PCDH15: variants seen among roughly 807,000 people sequenced by gnomAD.
PCDH15 encodes protocadherin related 15.
PCDH15 carries 129 observed loss-of-function variants against 178.5 expected under a neutral mutation model. That is an observed-to-expected ratio of 0.72 (90% CI 0.63 to 0.84). PCDH15 has a LOEUF of 0.84. Ranked by LOEUF, PCDH15 falls within the 40% of genes least tolerant of loss-of-function variation. PCDH15 has a pLI of 0.00. For missense variants in PCDH15, 2,230 were observed against 2,099.9 expected (o/e 1.06, Z -1.21); for synonymous variants, 800 against 732.0 (o/e 1.09, Z -1.50).
intron 2 of PCDH15, chr10:54,606,732 T>C (rs568344866): frequency 6.6e-6 from 1 of 152,160 alleles, no homozygotes; most frequent in South Asian, 2.1e-4. Flanking sequence ...TTTTCAGATA[T>C]CATAAAAGAT....
At chr10:54,028,218 C>A (rs1296481879) in intron 18 of PCDH15, among the ~76,000 whole-genome samples, 48 of 148,654 alleles carry the variant, frequency 3.2e-4, no homozygotes, top group Admixed American at 6.7e-4. Context: ...CAGAGAAATG[C>A]AAATCAAAAC....
Position 54,020,065 on chromosome 10 carries a change from T to C in PCDH15, c.2751+127A>G. 35 of 751,166 alleles carry C rather than the reference T, an allele frequency of 4.7e-5. 2 individuals are homozygous for C. The South Asian group carries it at 5.3e-4, about 11-fold the overall frequency. 46.5% of individuals were successfully genotyped at this position (751,166 alleles called of 1,614,324 possible). A position where few individuals can be genotyped will look rare whatever the true frequency, so the allele number is the denominator to read the frequency against. On this transcript the variant is annotated intron_variant, in intron 20 of 37. Coordinates refer to ENST00000644397, the MANE Select transcript of PCDH15 (RefSeq NM_001384140.1). The stretch of plus-strand genomic sequence containing the variant: ...AAATATTTCCATTGGAAAATCTATG[T>C]TATGGGTCTGGTACCACTGTGTCAT...
chr10:54,186,093 A>G (rs948707195), intron 11 of PCDH15, among the ~76,000 whole-genome samples: 2 of 151,988 alleles, frequency 1.3e-5, no homozygotes, highest in Non-Finnish European at 2.9e-5. Flanking sequence ...GCTAGCACTG[A>G]TGTCTGCATA....
chr10:55,419,818 A>G (rs754199453), intron 2 of PCDH15, among the ~76,000 whole-genome samples: 36 of 151,754 alleles, frequency 2.4e-4, no homozygotes, highest in Non-Finnish European at 4.6e-4. Flanking sequence ...AAAGATTAAA[A>G]TGTATACTAT....
At chr10:54,451,216 A>T (rs978309535) in intron 3 of PCDH15, among the ~76,000 whole-genome samples, 3 of 151,986 alleles carry the variant, frequency 2.0e-5, no homozygotes, top group East Asian at 3.9e-4. Flanking sequence ...CACTACTGGC[A>T]TTTATTGGCA....
chr10:55,029,294 T>C (rs1840552520), intron 2 of PCDH15, among the ~76,000 whole-genome samples: 1 of 152,066 alleles, frequency 6.6e-6, no homozygotes, highest in African/African-American at 2.4e-5. Flanking sequence ...TTATGTTTTA[T>C]ATAAATATGT....
chr10:54,485,960 A>T (rs11004335), intron 3 of PCDH15, among the ~76,000 whole-genome samples: 1 of 151,794 alleles, frequency 6.6e-6, no homozygotes, highest in Non-Finnish European at 1.5e-5. Context: ...AGTTTTATGA[A>T]AAGATGTTTA....
intron 13 of PCDH15, among the ~76,000 whole-genome samples, chr10:54,169,365 G>A (rs2046621005): frequency 8.0e-6 from 1 of 124,410 alleles, no homozygotes. Flanking sequence ...TTCTTTTCAA[G>A]GGCCTGTTTC....
intron 3 of PCDH15, among the ~76,000 whole-genome samples, chr10:54,811,713 C>T (rs1016265473): frequency 1.3e-5 from 2 of 152,130 alleles, no homozygotes; most frequent in African/African-American, 4.8e-5. Context: ...TTGTGATCCA[C>T]CCGCCTCCGC....
At chr10:54,864,193 CA>C (rs1953896118) in intron 3 of PCDH15, among the ~76,000 whole-genome samples, 1 of 151,994 alleles carries the variant, frequency 6.6e-6, no homozygotes, top group Non-Finnish European at 1.5e-5. Flanking sequence ...GTAAACACAT[CA>C]GAAAGAAAAG....
At chr10:54,682,710 T>C (rs2135680720) in intron 1 of PCDH15, among the ~76,000 whole-genome samples, 1 of 152,280 alleles carries the variant, frequency 6.6e-6, no homozygotes, top group South Asian at 2.1e-4. Flanking sequence ...TGAGATACTC[T>C]CACATTCTTA....
At chr10:54,384,278 A>C (rs376090544) in intron 3 of PCDH15, among the ~76,000 whole-genome samples, 1 of 151,788 alleles carries the variant, frequency 6.6e-6, no homozygotes, top group South Asian at 2.1e-4. Flanking sequence ...TTTTTCTTCC[A>C]TTCCCTAACC....
intron 18 of PCDH15, among the ~76,000 whole-genome samples, chr10:54,037,443 C>T (rs537165966): frequency 1.1e-4 from 16 of 151,864 alleles, no homozygotes; most frequent in Non-Finnish European, 1.8e-4. Context: ...AGACAAGACC[C>T]TCTATCTGTA....
intron 5 of PCDH15, among the ~76,000 whole-genome samples, chr10:54,348,492 G>A (rs1385881673): frequency 6.6e-6 from 1 of 152,112 alleles, no homozygotes; most frequent in African/African-American, 2.4e-5. Context: ...TGGAATTCCT[G>A]TTGCAAAAGA....
At chr10:55,030,949 T>G (rs1158794962) in intron 2 of PCDH15, among the ~76,000 whole-genome samples, 1 of 151,920 alleles carries the variant, frequency 6.6e-6, no homozygotes, top group African/African-American at 2.4e-5. Flanking sequence ...CAATTTAGGA[T>G]AAGAGAATTA....
chr10:55,298,573 T>G (rs1425114820), intron 1 of PCDH15, among the ~76,000 whole-genome samples: 1 of 152,100 alleles, frequency 6.6e-6, no homozygotes, highest in Admixed American at 6.6e-5. Flanking sequence ...ACCAACTGGA[T>G]AGTGTCGACT....
chr10:53,949,919 G>GATTATAC (rs1477230809), intron 23 of PCDH15, among the ~76,000 whole-genome samples: 1 of 152,030 alleles, frequency 6.6e-6, no homozygotes, highest in Non-Finnish European at 1.5e-5. Context: ...TATATCAAGA[G>GATTATAC]GTATAATGCT....
chr10:54,902,062 T>C (rs1954646952), intron 2 of PCDH15, among the ~76,000 whole-genome samples: 1 of 152,126 alleles, frequency 6.6e-6, no homozygotes. Context: ...AAATCACAGC[T>C]TCAAATTCAC....
chr10:54,540,178 A>G (rs941931177), intron 2 of PCDH15, among the ~76,000 whole-genome samples: 2 of 152,164 alleles, frequency 1.3e-5, no homozygotes, highest in African/African-American at 4.8e-5. Context: ...AAATTGAGGC[A>G]TAAAAATCCA....
Sources: gnomAD v4.1 joint callset for allele counts (sites outside exome capture counted in the v4.1 genomes callset) on GRCh38, gnomAD v4.1.1 for gene constraint, MANE v1.5 for transcripts, NCBI Gene and HGNC (gene_info 2026-07-23, HGNC 2026-07-21) for gene names.